Variants in ROPN1B observed in about 807,000 individuals in gnomAD.
The protein encoded by ROPN1B is rhophilin associated tail protein 1B, also known as ropporin-1B.
In ROPN1B, 13 loss-of-function variants were observed where a neutral mutation model predicts 23.7. The observed-to-expected ratio is 0.55, with a 90% CI of 0.36 to 0.87. The LOEUF (loss-of-function observed/expected upper bound fraction) is 0.87, where lower values mean the gene tolerates loss of function less well. Among genes scored for constraint, ROPN1B ranks in the 40% least tolerant of loss-of-function variants. ROPN1B has a pLI of 0.01. For synonymous variants in ROPN1B, 67 were observed against 100.4 expected, an observed-to-expected ratio of 0.67 and a Z score of 1.99; for missense variants, 183 against 249.2, an observed-to-expected ratio of 0.73 and a Z score of 1.79.
chr3:125,982,782 G>A (rs914646755), intron 6 of ROPN1B, among the ~76,000 whole-genome samples: 10 of 152,172 alleles, frequency 6.6e-5, no homozygotes, highest in Admixed American at 2.6e-4. Context: ...AGCCCCTCCA[G>A]TAACTCTGAC....
rs1444775580 is a variant in ROPN1B at position 125,972,353 on chromosome 3, C to G, written c.116+183C>G. On this transcript the variant is annotated intron_variant, in intron 3 of 6. Transcript: ENST00000514116. Reference sequence around the variant, plus strand: ...CACATAAATACTACATCTAGCCGGGCAAGGATGGGATGCCTCCCCTAAGCG... The same window carrying G: ...CACATAAATACTACATCTAGCCGGGGAAGGATGGGATGCCTCCCCTAAGCG... 4 of 637,738 alleles carry G rather than the reference C, an allele frequency of 6.3e-6. No individual in the cohort carries two copies. The Admixed American group carries it at 8.5e-5, about 14-fold the overall frequency. The allele number at this position is 637,738 out of a possible 1,614,324, so 39.5% of individuals were successfully genotyped here. A position where few individuals can be genotyped will look rare whatever the true frequency, so the allele number is the denominator to read the frequency against.
At chr3:125,976,516 C>G (rs933419437) in intron 4 of ROPN1B, among the ~76,000 whole-genome samples, 2 of 152,144 alleles carry the variant, frequency 1.3e-5, no homozygotes, top group African/African-American at 4.8e-5. Context: ...AGCCACATAC[C>G]CCATATCATT....
chr3:125,982,178 C>A (rs1938631608), intron 5 of ROPN1B, 92 bp from the exon 6 acceptor site: 3 of 1,052,630 alleles, frequency 2.8e-6, no homozygotes, highest in South Asian at 1.6e-5. Context: ...TTTATAAGAG[C>A]AATATTTTTG....
rs570139203 is a variant in ROPN1B, at chr3:125,975,317, C to T, written c.117-246C>T. Among the ~76,000 whole-genome samples the T allele has an allele frequency of 3.9e-5, 6 of 152,318 alleles. No homozygotes were observed. The South Asian group carries it at 1.2e-3, about 32-fold the overall frequency. Reference sequence around the variant, plus strand: ...TTGCATACCCAAACTTTTCTTGGTTCTTCCTCATCCTTAGAGAAGAACAAA... The same window carrying T: ...TTGCATACCCAAACTTTTCTTGGTTTTTCCTCATCCTTAGAGAAGAACAAA... On this transcript the variant is annotated intron_variant, in intron 3 of 6. Transcript: ENST00000514116.
At position 125,972,144 on chromosome 3, in the gene ROPN1B, G is replaced by A. The variant is rs546537691; in HGVS notation, c.90G>A (p.Pro30=). 3 of 1,614,208 alleles carry A rather than the reference G, an allele frequency of 1.9e-6. No individual in the cohort carries two copies. Among genetic ancestry groups the A allele is most frequent in the Non-Finnish European group, 8.5e-7 (1 of 1,180,018 alleles). Residue 30 remains proline, a synonymous_variant, in exon 3 of 7, where the codon CCG becomes CCA. Transcript: ENST00000514116. ...EFAKAAIRAQ[P]QDLIQWGADY... ...CCAAAGCCGCCATTCGGGCGCAGCC[G>A]CAGGACCTCATCCAGTGGGGGGCCG...
At chr3:125,974,489 A>G (rs1305606765) in intron 3 of ROPN1B, among the ~76,000 whole-genome samples, 1 of 152,146 alleles carries the variant, frequency 6.6e-6, no homozygotes, top group East Asian at 1.9e-4. Context: ...TATTATTTTC[A>G]TACTACCTGG....
At chr3:125,972,253 T>G in intron 3 of ROPN1B, 83 bp downstream of exon 3, 1 of 1,357,094 alleles carries the variant, frequency 7.4e-7, no homozygotes, top group Non-Finnish European at 1.0e-6. Flanking sequence ...TTGTCATGGC[T>G]GCAGCCAGGG....
chr3:125,982,513 A>G, intron 6 of ROPN1B, 68 bp downstream of exon 6: 2 of 1,359,076 alleles, frequency 1.5e-6, no homozygotes, highest in Non-Finnish European at 1.0e-6. Context: ...GCCAAGACAG[A>G]GTGAGATTAT....
At chr3:125,974,511 G>C (rs1334198669) in intron 3 of ROPN1B, among the ~76,000 whole-genome samples, 1 of 152,200 alleles carries the variant, frequency 6.6e-6, no homozygotes, top group African/African-American at 2.4e-5. Context: ...TCTGGAGGAA[G>C]TAATGGAGGG....
In ROPN1B at chr3:125,978,891, A is replaced by G. The variant is rs6772698; in HGVS notation, c.396+1726A>G. On this transcript the variant is annotated intron_variant, in intron 5 of 6. Transcript: ENST00000514116. ...AGTGACTTTGGAAAGTCAAATTCCA[A>G]CCCTCCCTCTGCTTAGCCCACCGTG... Among the ~76,000 whole-genome samples, 1,272 of 150,598 alleles carry G rather than the reference A, an allele frequency of 8.4e-3. 19 individuals carry two copies. Among genetic ancestry groups the G allele is most frequent in the African/African-American group, 0.03 (1,228 of 40,954 alleles).
At chr3:125,972,402 C>A in intron 3 of ROPN1B, 1 of 577,086 alleles carries the variant, frequency 1.7e-6, no homozygotes, top group Non-Finnish European at 3.1e-6. Flanking sequence ...AGTAGGACGC[C>A]AGGTCAATAG....
chr3:125,969,525 A>G (rs1384869424), intron 1 of ROPN1B, 125 bp downstream of exon 1: 1 of 57,344 alleles, frequency 1.7e-5, no homozygotes, highest in Non-Finnish European at 3.2e-5. Context: ...TTCACAGGGC[A>G]AGGGGAGGGC....
At chr3:125,979,289 G>T (rs1938528587) in intron 5 of ROPN1B, among the ~76,000 whole-genome samples, 1 of 152,156 alleles carries the variant, frequency 6.6e-6, no homozygotes, top group Non-Finnish European at 1.5e-5. Flanking sequence ...TATCATGCTG[G>T]ACTGTTTCTG....
chr3:125,976,676 C>G (rs1938425162), intron 4 of ROPN1B: 1 of 435,170 alleles, frequency 2.3e-6, no homozygotes, highest in Non-Finnish European at 4.4e-6. Flanking sequence ...TCAGGCTCTT[C>G]TATCTGTCAT....
rs745602801 is a variant in ROPN1B at position 125,982,320 on chromosome 3, C to G, written c.447C>G (p.His149Gln). The change falls in exon 6 of 7, where the codon CAC becomes CAG. Residue 149 changes from histidine (H) to glutamine (Q), a missense_variant. His to Gln is a conservative substitution (Grantham distance 24, BLOSUM62 0). This residue lies in a region of ROPN1B where 80 missense variants were observed against 98.0 expected (regional missense o/e 0.82). Coordinates refer to ENST00000514116, the MANE Select transcript of ROPN1B (RefSeq NM_001308313.2). The stretch of plus-strand genomic sequence containing the variant: ...TGTGTGAGGTCTTATCATGTGACCA[C>G]AATGGTGGGTTGCCCCGAATCCCAT... ...KIVCEVLSCD[H>Q]NGGLPRIPFS... The G allele has an allele frequency of 4.3e-6, 7 of 1,613,196 alleles. No homozygotes were observed.
In ROPN1B at chr3:125,979,902, A is replaced by G. The variant is rs184468077; in HGVS notation, c.397-2368A>G. 2.3e-4 allele frequency among the ~76,000 whole-genome samples: 35 copies of G among 152,354 alleles called. 1 individual carries two copies. Among genetic ancestry groups the G allele is most frequent in the South Asian group, 1.0e-3 (5 of 4,824 alleles). On this transcript the variant is annotated intron_variant, in intron 5 of 6. Coordinates refer to ENST00000514116, the MANE Select transcript of ROPN1B (RefSeq NM_001308313.2). ...CACATTATTCAGAATGCGATGGCAC[A>G]CAGACCTGTATTCCTCCCCCCTTCA...
intron 3 of ROPN1B, chr3:125,972,604 A>G (rs1938258660): frequency 5.7e-6 from 2 of 350,458 alleles, no homozygotes. Flanking sequence ...GAGGGAAGCG[A>G]CAGCCCTGGG....
chr3:125,972,562 C>G lies in ROPN1B; in HGVS notation c.116+392C>G, dbSNP rs1415884323. 3 of 413,330 alleles carry G rather than the reference C, an allele frequency of 7.3e-6. No individual in the cohort carries two copies. The East Asian group carries it at 1.2e-4, about 17-fold the overall frequency. 25.6% of individuals were successfully genotyped at this position (413,330 alleles called of 1,614,324 possible). On this transcript the variant is annotated intron_variant, in intron 3 of 6. Transcript: ENST00000514116. The stretch of plus-strand genomic sequence containing the variant: ...AATCTGCCTTTCTTCATTCTCCTGT[C>G]TCACCACTAGATGGCAGCAGTGCAG...
chr3:125,983,193 A>G, intron 6 of ROPN1B, 61 bp from the exon 7 acceptor site: 3 of 1,147,716 alleles, frequency 2.6e-6, no homozygotes, highest in South Asian at 1.3e-5. Flanking sequence ...TTGTTTGCAT[A>G]TTGTCTTTCT....
Sources: allele counts gnomAD v4.1 joint callset (sites outside exome capture counted in the v4.1 genomes callset), GRCh38; gene constraint gnomAD v4.1.1; regional missense constraint gnomAD v4.1.1; transcripts MANE v1.5; gene names NCBI Gene and HGNC (gene_info 2026-07-23, HGNC 2026-07-21).